Variants in C8orf34 observed in about 807,000 individuals in gnomAD.
C8orf34 encodes the protein uncharacterized protein C8orf34.
Under a neutral mutation model 68.3 loss-of-function variants are expected in C8orf34, and 65 were observed. The observed-to-expected ratio is 0.95, with a 90% CI of 0.78 to 1.17. C8orf34 has a LOEUF of 1.17. Among genes scored for constraint, C8orf34 ranks in the 50% most tolerant of loss-of-function variants. C8orf34 has a pLI of 0.00. For missense variants in C8orf34, 664 were observed against 655.4 expected, an observed-to-expected ratio of 1.01 and a Z score of -0.14; for synonymous variants, 244 against 241.2, an observed-to-expected ratio of 1.01 and a Z score of -0.11.
chr8:68,760,391 C>T (rs1822988938), intron 10 of C8orf34, among the ~76,000 whole-genome samples: 1 of 152,128 alleles, frequency 6.6e-6, no homozygotes, highest in Non-Finnish European at 1.5e-5. Context: ...GCCTCAGAGG[C>T]CACACATACC....
intron 9 of C8orf34, among the ~76,000 whole-genome samples, chr8:68,713,176 G>T (rs374976392): frequency 9.2e-5 from 14 of 152,012 alleles, no homozygotes; most frequent in African/African-American, 3.4e-4. Context: ...TAAAAGTAGC[G>T]CTAAGAGGAA....
intron 8 of C8orf34, among the ~76,000 whole-genome samples, chr8:68,683,637 G>GA (rs1382104370): frequency 6.6e-6 from 1 of 151,812 alleles, no homozygotes; most frequent in African/African-American, 2.4e-5. Flanking sequence ...GTTTCAGAAA[G>GA]AAAAAACGTA....
chr8:68,817,710 G>A (rs1824860119), intron 13 of C8orf34, among the ~76,000 whole-genome samples: 1 of 152,132 alleles, frequency 6.6e-6, no homozygotes, highest in Non-Finnish European at 1.5e-5. Flanking sequence ...ACCTGAGACT[G>A]GGTAATTTAC....
intron 7 of C8orf34, among the ~76,000 whole-genome samples, chr8:68,639,418 A>G (rs977612000): frequency 2.0e-5 from 3 of 151,862 alleles, no homozygotes; most frequent in African/African-American, 7.3e-5. Context: ...GGAACAATTT[A>G]TTTGACACTC....
intron 10 of C8orf34, among the ~76,000 whole-genome samples, chr8:68,775,851 G>T (rs1269618360): frequency 2.6e-5 from 4 of 152,096 alleles, no homozygotes; most frequent in African/African-American, 7.2e-5. Flanking sequence ...CATGTCCTTT[G>T]CAGGGACATG....
chr8:68,398,626 G>T (rs1517119), intron 1 of C8orf34, among the ~76,000 whole-genome samples: 106,767 of 151,952 alleles, frequency 0.7, 37,738 homozygotes, highest in African/African-American at 0.79. Context: ...AGTATTATGT[G>T]GTACATATTA....
At chr8:68,422,908 C>A (rs1426371276) in intron 1 of C8orf34, among the ~76,000 whole-genome samples, 3 of 152,208 alleles carry the variant, frequency 2.0e-5, no homozygotes, top group African/African-American at 7.2e-5. Flanking sequence ...GGGGCTTACA[C>A]CCTCTGAAAC....
intron 5 of C8orf34, among the ~76,000 whole-genome samples, chr8:68,516,573 A>G (rs1232554195): frequency 1.3e-5 from 2 of 152,146 alleles, no homozygotes; most frequent in East Asian, 3.9e-4. Context: ...CTGATAAGCC[A>G]TACTGCAGAA....
At chr8:68,813,557 CT>C (rs200942478) in intron 12 of C8orf34, among the ~76,000 whole-genome samples, 58 of 150,858 alleles carry the variant, frequency 3.8e-4, no homozygotes, top group African/African-American at 1.2e-3. Context: ...ACTTTACATG[CT>C]TTTTTTTTGG....
chr8:68,517,522 A>C (rs1269099858), intron 5 of C8orf34, among the ~76,000 whole-genome samples: 1 of 152,120 alleles, frequency 6.6e-6, no homozygotes, highest in Non-Finnish European at 1.5e-5. Context: ...TTTGCTTGTC[A>C]GCTATTTCTC....
intron 10 of C8orf34, among the ~76,000 whole-genome samples, chr8:68,732,537 T>C (rs2129526910): frequency 6.6e-6 from 1 of 152,312 alleles, no homozygotes; most frequent in Non-Finnish European, 1.5e-5. Flanking sequence ...CATTTCATAT[T>C]GTGGCAAATA....
intron 5 of C8orf34, among the ~76,000 whole-genome samples, chr8:68,497,526 A>G (rs1398682083): frequency 2.0e-5 from 3 of 152,200 alleles, no homozygotes; most frequent in Admixed American, 1.3e-4. Context: ...TTCCAAAGAC[A>G]CACTAGCAAA....
intron 1 of C8orf34, among the ~76,000 whole-genome samples, chr8:68,386,645 T>G (rs1255039961): frequency 6.6e-6 from 1 of 152,186 alleles, no homozygotes; most frequent in African/African-American, 2.4e-5. Context: ...ATCTGTGTTA[T>G]GATTTGAGAA....
chr8:68,714,033 A>G (rs1821400232), intron 9 of C8orf34, among the ~76,000 whole-genome samples: 1 of 152,172 alleles, frequency 6.6e-6, no homozygotes, highest in African/African-American at 2.4e-5. Context: ...AGAATTAAAA[A>G]CAAATTCACA....
intron 10 of C8orf34, among the ~76,000 whole-genome samples, chr8:68,725,705 C>G (rs1294491018): frequency 6.6e-6 from 1 of 152,102 alleles, no homozygotes; most frequent in Non-Finnish European, 1.5e-5. Context: ...TGTGATTTGT[C>G]CCAGGTCACA....
At chr8:68,426,370 T>C (rs1298137349) in intron 1 of C8orf34, among the ~76,000 whole-genome samples, 1 of 151,174 alleles carries the variant, frequency 6.6e-6, no homozygotes, top group African/African-American at 2.4e-5. Context: ...AATGCAAAAA[T>C]TGCCTGGGCA....
At chr8:68,427,087 T>C (rs1410692479) in intron 1 of C8orf34, among the ~76,000 whole-genome samples, 1 of 152,184 alleles carries the variant, frequency 6.6e-6, no homozygotes, top group African/African-American at 2.4e-5. Context: ...ATATTGCAGA[T>C]GTGAATGTAA....
At chr8:68,640,614 TC>T (rs950710681) in intron 8 of C8orf34, 103 bp downstream of exon 8, 2 of 1,173,870 alleles carry the variant, frequency 1.7e-6, no homozygotes, top group African/African-American at 3.1e-5. Flanking sequence ...GAACATCTTT[TC>T]CTTCCAGCGA....
chr8:68,705,189 G>T (rs1186832144), intron 8 of C8orf34, among the ~76,000 whole-genome samples: 9 of 152,134 alleles, frequency 5.9e-5, no homozygotes, highest in Non-Finnish European at 1.3e-4. Context: ...GTCCTATAAG[G>T]ATTTGGGTAC....
Sources: gnomAD v4.1 joint callset for allele counts (sites outside exome capture counted in the v4.1 genomes callset) on GRCh38, gnomAD v4.1.1 for gene constraint, MANE v1.5 for transcripts, NCBI Gene and HGNC (gene_info 2026-07-23, HGNC 2026-07-21) for gene names.